EBF3: variants seen among roughly 807,000 people sequenced by gnomAD.
EBF3 encodes the protein transcription factor COE3.
Under a neutral mutation model 77.1 loss-of-function variants are expected in EBF3, and 18 were observed. The observed-to-expected ratio is 0.23, with a 90% CI of 0.16 to 0.35. The LOEUF is 0.35. Among genes scored for constraint, EBF3 ranks in the 10% least tolerant of loss-of-function variants. EBF3 has a pLI of 1.00. For synonymous variants in EBF3, 350 were observed against 343.5 expected (o/e 1.02, Z -0.21); for missense variants, 558 against 860.0 (o/e 0.65, Z 4.39).
At chr10:129,922,879 A>G (rs1856408990) in intron 6 of EBF3, among the ~76,000 whole-genome samples, 1 of 152,156 alleles carries the variant, frequency 6.6e-6, no homozygotes, top group Non-Finnish European at 1.5e-5. Flanking sequence ...GCATGGAAGG[A>G]GGGTTCCAGA....
chr10:129,868,708 C>T (rs1012264420), intron 8 of EBF3, among the ~76,000 whole-genome samples: 1 of 152,248 alleles, frequency 6.6e-6, no homozygotes, highest in Non-Finnish European at 1.5e-5. Flanking sequence ...AGTCCCAGCA[C>T]GGTGCCCTCG....
intron 11 of EBF3, among the ~76,000 whole-genome samples, chr10:129,843,697 A>G (rs756222974): frequency 6.6e-6 from 1 of 152,254 alleles, no homozygotes; most frequent in Non-Finnish European, 1.5e-5. Context: ...CACGCCCCAA[A>G]TTTGCAAGTG....
chr10:129,890,939 A>G (rs1853979270), intron 6 of EBF3, among the ~76,000 whole-genome samples: 1 of 152,170 alleles, frequency 6.6e-6, no homozygotes, highest in Middle Eastern at 3.2e-3. Context: ...TAAACATTCA[A>G]TTTGTTACTT....
intron 6 of EBF3, among the ~76,000 whole-genome samples, chr10:129,948,462 A>G (rs947851803): frequency 2.0e-5 from 3 of 152,120 alleles, no homozygotes; most frequent in Non-Finnish European, 4.4e-5. Context: ...CTGCGATGGC[A>G]GGTACGTGCC....
intron 10 of EBF3, among the ~76,000 whole-genome samples, chr10:129,850,379 A>T (rs1417607654): frequency 6.6e-6 from 1 of 152,212 alleles, no homozygotes; most frequent in Admixed American, 6.5e-5. Context: ...TTGAATTGAT[A>T]TTCTTCTTTG....
intron 11 of EBF3, among the ~76,000 whole-genome samples, chr10:129,846,832 A>AGTGGGCT (rs905993021): frequency 6.2e-4 from 95 of 152,138 alleles, no homozygotes; most frequent in Non-Finnish European, 1.9e-4. Flanking sequence ...AATATGGGGC[A>AGTGGGCT]GTGGGCTGTG....
intron 6 of EBF3, among the ~76,000 whole-genome samples, chr10:129,878,394 G>A (rs937174524): frequency 5.3e-5 from 8 of 152,092 alleles, no homozygotes; most frequent in African/African-American, 1.9e-4. Flanking sequence ...TGGGTTTTAA[G>A]AGTTACAGTA....
rs1851597216 is a variant in EBF3 at position 129,861,043 on chromosome 10, G to A, written c.1039+6098C>T. Among the ~76,000 whole-genome samples, 1 of 152,240 alleles carries A rather than the reference G, an allele frequency of 6.6e-6. No homozygotes were observed. Reference sequence around the variant, plus strand: ...TTGGAGACAGGAAAGAGAGGGGACAGCAGTGACCCTGGAAGCCCTCCCGGC... The same window carrying A: ...TTGGAGACAGGAAAGAGAGGGGACAACAGTGACCCTGGAAGCCCTCCCGGC... On this transcript the variant is annotated intron_variant, in intron 10 of 16. Transcript: ENST00000440978. The surrounding 1 kb of genome is among the most constrained non-coding windows in gnomAD (Gnocchi z 4.3).
chr10:129,867,378 G>A, intron 9 of EBF3, 111 bp from the exon 10 acceptor site: 1 of 1,499,784 alleles, frequency 6.7e-7, no homozygotes, highest in Non-Finnish European at 9.0e-7. Context: ...CATCGTCTTG[G>A]AATGCCCCCT....
At chr10:129,865,483 C>T (rs1212723877) in intron 10 of EBF3, among the ~76,000 whole-genome samples, 1 of 152,202 alleles carries the variant, frequency 6.6e-6, no homozygotes, top group East Asian at 1.9e-4. Context: ...CTGTGGTCTT[C>T]TGGCAGCTCC....
intron 11 of EBF3, 75 bp from the exon 12 acceptor site, chr10:129,843,277 G>T: frequency 2.0e-6 from 3 of 1,484,264 alleles, no homozygotes; most frequent in South Asian, 2.4e-5. Flanking sequence ...TACCAGTTCC[G>T]TCTGCGGGTG....
rs1436375666 is a variant in EBF3 at position 129,943,916 on chromosome 10, G to A, written c.554+13342C>T. Among the ~76,000 whole-genome samples, 1 of 152,190 alleles carries A rather than the reference G, an allele frequency of 6.6e-6. No individual in the cohort carries two copies. Among genetic ancestry groups the A allele is most frequent in the African/African-American group, 2.4e-5 (1 of 41,442 alleles). ...CCCAGCTGAAACCGTAAAATGCTCG[G>A]TAAAACCAGTCGCTCTGAGGGTGCA... is the stretch of plus-strand genomic sequence containing the variant. On this transcript the variant is annotated intron_variant, in intron 6 of 16. Transcript: ENST00000440978. This position sits in a 1 kb window ranked among gnomAD's most constrained non-coding sequence, Gnocchi z 8.8.
rs1219751887 is a variant in EBF3, at chr10:129,952,306, G to A, written c.554+4952C>T. 6.6e-6 allele frequency among the ~76,000 whole-genome samples: 1 copy of A among 152,198 alleles called. No homozygotes were observed. The highest frequency in any genetic ancestry group is 1.5e-5 in the Non-Finnish European group (1 of 68,042). On this transcript the variant is annotated intron_variant, in intron 6 of 16. Transcript: ENST00000440978. This position sits in a 1 kb window ranked among gnomAD's most constrained non-coding sequence, Gnocchi z 4.7. ...CATTATGCAGATGAAATGACAAGTT[G>A]TCATTTAAGAAGTTAATAAACAGTC...
chr10:129,963,242 G>A lies in EBF3; in HGVS notation c.291+125C>T, dbSNP rs1859667255. On this transcript the variant is annotated intron_variant, in intron 2 of 16. Coordinates refer to ENST00000440978, the MANE Select transcript of EBF3 (RefSeq NM_001375380.1). The surrounding 1 kb of genome is among the most constrained non-coding windows in gnomAD (Gnocchi z 7.1). ...GCGGTCCCGGGCGGCCGCACGTGGC[G>A]GCGGCGGGGTGGCCTGGCGGAGCCG... The A allele has an allele frequency of 2.2e-6, 3 of 1,364,206 alleles. No homozygotes were observed. Among genetic ancestry groups the A allele is most frequent in the Non-Finnish European group, 2.9e-6 (3 of 1,041,968 alleles). 84.5% of individuals were successfully genotyped at this position (1,364,206 alleles called of 1,614,324 possible).
chr10:129,893,523 ATT>A, intron 6 of EBF3, among the ~76,000 whole-genome samples: 1 of 152,216 alleles, frequency 6.6e-6, no homozygotes, highest in South Asian at 2.1e-4. Flanking sequence ...AAGTAATTTG[ATT>A]AACATGTTGA....
At chr10:129,882,884 G>A (rs1240554673) in intron 6 of EBF3, among the ~76,000 whole-genome samples, 3 of 152,168 alleles carry the variant, frequency 2.0e-5, no homozygotes, top group South Asian at 2.1e-4. Context: ...CTTCCCTGCC[G>A]CTGTTGTTCT....
In EBF3 at chr10:129,963,719, T is replaced by C. The variant is rs1204245987; in HGVS notation, c.50A>G (p.Glu17Gly). The change falls in exon 1 of 17, where the codon GAG (glutamate) becomes GGG (glycine). Residue 17 changes from glutamate to glycine, a missense_variant. Glu to Gly is a moderately conservative substitution (Grantham distance 98). This residue lies in a region of EBF3 where 64 missense variants were observed against 54.5 expected (regional missense o/e 1.18). Transcript: ENST00000440978. This position sits in a 1 kb window ranked among gnomAD's most constrained non-coding sequence, Gnocchi z 7.1. Reference sequence around the variant, plus strand: ...GTTCATGCCGCTGCCCAGCGGCTCCTCCTTCATGGTCGTCCCCCCGCGCGG... The same window carrying C: ...GTTCATGCCGCTGCCCAGCGGCTCCCCCTTCATGGTCGTCCCCCCGCGCGG... ...NIPRGGTTMKEEPLGSGMNPV... is the reference protein window; with the variant it reads ...NIPRGGTTMKGEPLGSGMNPV... 6.5e-7 allele frequency: 1 copy of C among 1,537,350 alleles called. No homozygotes were observed. The highest frequency in any genetic ancestry group is 8.8e-7 in the Non-Finnish European group (1 of 1,135,600).
In EBF3 at chr10:129,905,943, G is replaced by A. The variant is rs1589829267; in HGVS notation, c.555-28094C>T. Among the ~76,000 whole-genome samples, 4 of 152,196 alleles carry A rather than the reference G, an allele frequency of 2.6e-5. No individual in the cohort carries two copies. In the South Asian group the frequency reaches 6.2e-4, roughly 24 times the overall value. ...CCACAATATGATTTACATACTAGCCGAGTGTAAATTTAGAATAATTTGGCC... is the reference window on the plus strand; with the variant it reads ...CCACAATATGATTTACATACTAGCCAAGTGTAAATTTAGAATAATTTGGCC... On this transcript the variant is annotated intron_variant, in intron 6 of 16. Coordinates refer to ENST00000440978, the MANE Select transcript of EBF3 (RefSeq NM_001375380.1).
chr10:129,959,143 C>CCACCCTCCCGATGGGGT, intron 4 of EBF3, 136 bp from the exon 5 acceptor site: 2 of 1,073,996 alleles, frequency 1.9e-6, no homozygotes, highest in Non-Finnish European at 2.7e-6. Flanking sequence ...CCTCCCTCGG[C>CCACCCTCCCGATGGGGT]CACCCTCCCG....
Sources: allele counts gnomAD v4.1 joint callset (sites outside exome capture counted in the v4.1 genomes callset), GRCh38; gene constraint gnomAD v4.1.1; regional missense constraint gnomAD v4.1.1; non-coding constraint Gnocchi (gnomAD v3.1); transcripts MANE v1.5; gene names NCBI Gene and HGNC (gene_info 2026-07-23, HGNC 2026-07-21).